The following CAMK1D variants were observed in gnomAD, a reference collection of about 807,000 sequenced individuals.
CAMK1D encodes calcium/calmodulin dependent protein kinase ID.
In CAMK1D, 9 loss-of-function variants were observed where a neutral mutation model predicts 47.7. The observed-to-expected ratio is 0.19, with a 90% CI of 0.11 to 0.33. The LOEUF is 0.33. Ranked by LOEUF, CAMK1D falls within the 10% of genes least tolerant of loss-of-function variation. The pLI is 1.00. For missense variants in CAMK1D, 291 were observed against 488.7 expected (o/e 0.60, Z 3.81); for synonymous variants, 184 against 184.9 (o/e 0.99, Z 0.04).
intron 1 of CAMK1D, among the ~76,000 whole-genome samples, chr10:12,526,884 C>G (rs796568991): frequency 1.7e-5 from 2 of 120,584 alleles, no homozygotes; most frequent in South Asian, 5.7e-4. Flanking sequence ...TATCATTGAG[C>G]AAAACCCTAT....
intron 1 of CAMK1D, among the ~76,000 whole-genome samples, chr10:12,359,747 AACTT>A (rs985408088): frequency 3.9e-5 from 6 of 152,166 alleles, no homozygotes; most frequent in Non-Finnish European, 2.9e-5. Flanking sequence ...TGACTCAAGG[AACTT>A]ACTTACAGTG....
chr10:12,359,571 T>A (rs1260663742), intron 1 of CAMK1D, among the ~76,000 whole-genome samples: 2 of 151,964 alleles, frequency 1.3e-5, no homozygotes, highest in African/African-American at 2.4e-5. Context: ...TAGCTGGTTT[T>A]AAAAAAATCT....
At chr10:12,465,143 TA>T (rs1211637237) in intron 1 of CAMK1D, among the ~76,000 whole-genome samples, 2 of 152,184 alleles carry the variant, frequency 1.3e-5, no homozygotes, top group African/African-American at 2.4e-5. Context: ...AATTGAAGGA[TA>T]AGATAGTGGG....
rs3063766 is a variant in CAMK1D at position 12,792,958 on chromosome 10, GCGCACA to G, written c.641+1727_641+1732del. On this transcript the variant is annotated intron_variant, in intron 6 of 10. Transcript: ENST00000619168. ...TCCCCTAATAAAATCACATGTGTGC[GCGCACA>G]CACACACACACACACACACGCACGC... 8.9e-3 allele frequency among the ~76,000 whole-genome samples: 1,310 copies of G among 147,388 alleles called. 16 individuals carry two copies. The highest frequency in any genetic ancestry group is 0.035 in the Middle Eastern group (10 of 286).
intron 1 of CAMK1D, among the ~76,000 whole-genome samples, chr10:12,394,320 T>A (rs1380311525): frequency 6.6e-6 from 1 of 152,096 alleles, no homozygotes; most frequent in Non-Finnish European, 1.5e-5. Flanking sequence ...CCCAGACCTC[T>A]CCAATTAGGG....
At chr10:12,387,425 T>TATAA (rs1484681849) in intron 1 of CAMK1D, among the ~76,000 whole-genome samples, 2 of 67,170 alleles carry the variant, frequency 3.0e-5, no homozygotes, top group African/African-American at 9.7e-5. Flanking sequence ...ATTTTATATA[T>TATAA]TTTATATATT....
At chr10:12,717,845 G>A (rs1447811061) in intron 3 of CAMK1D, among the ~76,000 whole-genome samples, 1 of 139,124 alleles carries the variant, frequency 7.2e-6, no homozygotes, top group Non-Finnish European at 1.5e-5. Context: ...AGTGAGCCAC[G>A]ATTGCATCAC....
At chr10:12,623,082 T>G in intron 2 of CAMK1D, among the ~76,000 whole-genome samples, 1 of 108,598 alleles carries the variant, frequency 9.2e-6, no homozygotes, top group African/African-American at 3.6e-5. Context: ...CCTTCCTTCC[T>G]TCCTCCCTCC....
chr10:12,392,017 A>ACACACACACACACACACACACACAC (rs34312096), intron 1 of CAMK1D, among the ~76,000 whole-genome samples: 29 of 147,318 alleles, frequency 2.0e-4, no homozygotes, highest in African/African-American at 6.7e-4. Context: ...ACACACACAC[A>ACACACACACACACACACACACACAC]AACAGTCTGG....
intron 1 of CAMK1D, among the ~76,000 whole-genome samples, chr10:12,471,812 G>T (rs575076529): frequency 3.4e-4 from 51 of 152,082 alleles, no homozygotes; most frequent in African/African-American, 1.1e-3. Context: ...TGGGAGGATC[G>T]CTTGAGCCCA....
At chr10:12,718,855 G>A (rs1458994249) in intron 3 of CAMK1D, among the ~76,000 whole-genome samples, 1 of 151,824 alleles carries the variant, frequency 6.6e-6, no homozygotes, top group Non-Finnish European at 1.5e-5. Flanking sequence ...TCTCATAACT[G>A]GGCCACCTAA....
chr10:12,630,759 T>C (rs1375395323), intron 2 of CAMK1D, among the ~76,000 whole-genome samples: 1 of 152,074 alleles, frequency 6.6e-6, no homozygotes. Flanking sequence ...GAGCTTTCCT[T>C]GTGACCTCAC....
At chr10:12,618,133 G>C (rs754439483) in intron 2 of CAMK1D, among the ~76,000 whole-genome samples, 1 of 152,070 alleles carries the variant, frequency 6.6e-6, no homozygotes, top group Non-Finnish European at 1.5e-5. Flanking sequence ...GCCGATTCAG[G>C]GCTCTGTGTC....
At chr10:12,493,474 CT>C (rs1307462403) in intron 1 of CAMK1D, among the ~76,000 whole-genome samples, 3 of 152,054 alleles carry the variant, frequency 2.0e-5, no homozygotes, top group African/African-American at 7.2e-5. Flanking sequence ...ACACTCATGC[CT>C]GCAATTTTCT....
intron 1 of CAMK1D, among the ~76,000 whole-genome samples, chr10:12,526,160 C>G (rs1835614473): frequency 1.3e-5 from 2 of 152,202 alleles, no homozygotes; most frequent in South Asian, 4.1e-4. Flanking sequence ...CTTTAAAAAG[C>G]AGACAGCCAA....
At chr10:12,768,645 C>T (rs990273829) in intron 4 of CAMK1D, among the ~76,000 whole-genome samples, 10 of 151,850 alleles carry the variant, frequency 6.6e-5, no homozygotes, top group Non-Finnish European at 1.0e-4. Flanking sequence ...ATCGTCTCCC[C>T]CCGTGATAAA....
At position 12,711,675 on chromosome 10, in the gene CAMK1D, G is replaced by A. The variant is rs552624510; in HGVS notation, c.299+44865G>A. ...GTCATTGCGTTCCCTGTTAATATGA[G>A]GCAGGGAAGGACGCTCTGGCCCGGA... On this transcript the variant is annotated intron_variant, in intron 3 of 10. Coordinates refer to ENST00000619168, the MANE Select transcript of CAMK1D (RefSeq NM_153498.4). Among the ~76,000 whole-genome samples the A allele has an allele frequency of 8.4e-4, 128 of 152,252 alleles. No individual in the cohort carries two copies. The South Asian group carries it at 0.026, about 30-fold the overall frequency.
chr10:12,638,871 C>T (rs1311217508), intron 2 of CAMK1D, among the ~76,000 whole-genome samples: 1 of 152,156 alleles, frequency 6.6e-6, no homozygotes, highest in African/African-American at 2.4e-5. Flanking sequence ...AGGCGTTCAC[C>T]TCCGTAGTCC....
At chr10:12,826,559 C>T (rs768688633) in intron 10 of CAMK1D, among the ~76,000 whole-genome samples, 19 of 152,168 alleles carry the variant, frequency 1.2e-4, no homozygotes, top group Non-Finnish European at 2.4e-4. Context: ...GAAATAATCC[C>T]GTTTGGCCCT....
Sources: allele counts gnomAD v4.1 joint callset (sites outside exome capture counted in the v4.1 genomes callset), GRCh38; gene constraint gnomAD v4.1.1; transcripts MANE v1.5; gene names NCBI Gene and HGNC (gene_info 2026-07-23, HGNC 2026-07-21).